MSH3: variants seen among roughly 807,000 people sequenced by gnomAD.
MSH3 encodes DNA mismatch repair protein Msh3.
MSH3 carries 106 observed loss-of-function variants against 123.3 expected under a neutral mutation model. That is an observed-to-expected ratio of 0.86 (90% confidence interval 0.73 to 1.01). The LOEUF is 1.01. MSH3 is among the 50% of genes least tolerant of loss of function. MSH3 has a pLI of 0.00. For synonymous variants in MSH3, 515 were observed against 481.4 expected (o/e 1.07, Z -0.91); for missense variants, 1,459 against 1,347.6 (o/e 1.08, Z -1.29).
chr5:80,755,182 A>C (rs1397940125), intron 12 of MSH3, among the ~76,000 whole-genome samples: 1 of 152,198 alleles, frequency 6.6e-6, no homozygotes, highest in Non-Finnish European at 1.5e-5. Flanking sequence ...AGTTTAAAGG[A>C]GGAACTGCTG....
At chr5:80,694,375 C>T (rs933646842) in intron 8 of MSH3, among the ~76,000 whole-genome samples, 1 of 152,108 alleles carries the variant, frequency 6.6e-6, no homozygotes, top group Non-Finnish European at 1.5e-5. Flanking sequence ...GTACTTGTGT[C>T]ATTGTTTTAC....
intron 8 of MSH3, among the ~76,000 whole-genome samples, chr5:80,690,575 C>T (rs1750207617): frequency 6.6e-6 from 1 of 152,140 alleles, no homozygotes; most frequent in South Asian, 2.1e-4. Context: ...GCCTTGGCCT[C>T]CAAATTGCTG....
intron 20 of MSH3, among the ~76,000 whole-genome samples, chr5:80,852,561 T>C (rs1211447864): frequency 3.3e-5 from 5 of 152,212 alleles, no homozygotes; most frequent in Admixed American, 6.5e-5. Context: ...TTCATCATCC[T>C]GTTTTGTGGT....
chr5:80,875,427 T>C (rs1249690163), intron 23 of MSH3, among the ~76,000 whole-genome samples: 2 of 152,226 alleles, frequency 1.3e-5, no homozygotes, highest in Non-Finnish European at 2.9e-5. Flanking sequence ...GAGTTTCTTT[T>C]CTCCAGGTAC....
rs894678592 is a variant in MSH3 at position 80,714,436 on chromosome 5, CA to C, written c.1341-11014del. On this transcript the variant is annotated intron_variant, in intron 8 of 23. Transcript: ENST00000265081. ...CAGGTATGAGCCACCACGTCTGGCC[CA>C]AATAGACTTTTGTTTCAGAGATACA... Among the ~76,000 whole-genome samples the C allele has an allele frequency of 1.4e-4, 22 of 151,984 alleles. No individual in the cohort carries two copies. The Middle Eastern group carries it at 0.014, about 95-fold the overall frequency.
intron 20 of MSH3, among the ~76,000 whole-genome samples, chr5:80,842,217 A>C (rs1055909686): frequency 2.0e-5 from 3 of 152,024 alleles, no homozygotes; most frequent in African/African-American, 7.2e-5. Flanking sequence ...ATGGTTGTAG[A>C]TGTGTGATGT....
At chr5:80,702,608 C>G (rs1407394968) in intron 8 of MSH3, among the ~76,000 whole-genome samples, 1 of 151,888 alleles carries the variant, frequency 6.6e-6, no homozygotes, top group Non-Finnish European at 1.5e-5. Context: ...CAGCTGTATG[C>G]AAGAGATGGG....
At chr5:80,789,418 T>C (rs1018601667) in intron 18 of MSH3, among the ~76,000 whole-genome samples, 1 of 151,578 alleles carries the variant, frequency 6.6e-6, no homozygotes, top group African/African-American at 2.4e-5. Flanking sequence ...TGGCCCAGGC[T>C]GGAGTGCAAT....
chr5:80,784,877 A>G (rs184065705), intron 17 of MSH3, among the ~76,000 whole-genome samples: 221 of 152,338 alleles, frequency 1.5e-3, no homozygotes, highest in South Asian at 0.014. Flanking sequence ...CTCAGTAAAT[A>G]AGTATACAGT....
intron 15 of MSH3, among the ~76,000 whole-genome samples, chr5:80,770,269 CAT>C (rs1491514196): frequency 3.8e-5 from 5 of 132,368 alleles, no homozygotes; most frequent in Admixed American, 8.1e-5. Flanking sequence ...TTTTCTACTA[CAT>C]TTTTTTTTTT....
intron 19 of MSH3, among the ~76,000 whole-genome samples, chr5:80,807,481 G>A (rs1424030628): frequency 2.0e-5 from 3 of 152,298 alleles, no homozygotes; most frequent in South Asian, 2.1e-4. Context: ...AGGTCATAGT[G>A]ATGGTGGGTT....
At chr5:80,724,156 T>C (rs926790380) in intron 8 of MSH3, among the ~76,000 whole-genome samples, 4 of 152,178 alleles carry the variant, frequency 2.6e-5, no homozygotes, top group Non-Finnish European at 1.5e-5. Flanking sequence ...AAAAATGTTT[T>C]AAAGCAACAT....
At chr5:80,868,133 A>G (rs997433258) in intron 22 of MSH3, among the ~76,000 whole-genome samples, 6 of 152,172 alleles carry the variant, frequency 3.9e-5, no homozygotes, top group African/African-American at 1.4e-4. Flanking sequence ...GGTGCTGGTG[A>G]GGTTGTGGAG....
chr5:80,873,291 A>C lies in MSH3; in HGVS notation c.3302+4A>C, dbSNP rs779568504. 2.5e-6 allele frequency: 4 copies of C among 1,613,684 alleles called. No individual in the cohort carries two copies. In the East Asian group the frequency reaches 6.7e-5, roughly 27 times the overall value. The stretch of plus-strand genomic sequence containing the variant: ...AAGGATTAATAAATACGAAAAGGTC[A>C]GAGTGATTATGCTGCATTTTTTCAT... On this transcript the variant is annotated splice_donor_region_variant and intron_variant, in intron 23 of 23. Transcript: ENST00000265081.
intron 20 of MSH3, among the ~76,000 whole-genome samples, chr5:80,834,356 A>G (rs572156631): frequency 1.3e-5 from 2 of 150,446 alleles, no homozygotes; most frequent in South Asian, 4.1e-4. Context: ...TTTATATTAA[A>G]ATATATTTTA....
At chr5:80,683,323 C>G (rs1750014631) in intron 8 of MSH3, among the ~76,000 whole-genome samples, 1 of 152,176 alleles carries the variant, frequency 6.6e-6, no homozygotes, top group East Asian at 1.9e-4. Flanking sequence ...TACATTCCCA[C>G]CAACAGTCTG....
chr5:80,804,877 A>G (rs1047735192), intron 19 of MSH3, among the ~76,000 whole-genome samples: 4 of 152,246 alleles, frequency 2.6e-5, no homozygotes, highest in Non-Finnish European at 5.9e-5. Flanking sequence ...ATGCCTGGCA[A>G]TAGTGAATGA....
rs1749756426 is a variant in MSH3 at position 80,672,961 on chromosome 5, T to C, written c.1027+103T>C. The C allele has an allele frequency of 1.6e-5, 14 of 892,642 alleles. No homozygotes were observed. The South Asian group carries it at 1.7e-4, about 11-fold the overall frequency. 55.3% of individuals were successfully genotyped at this position (892,642 alleles called of 1,614,324 possible). On this transcript the variant is annotated intron_variant, in intron 6 of 23. Transcript: ENST00000265081. ...GTTTTTTAGTTGCTCTTTGGGAACT[T>C]TTTAGATGAGCTGAGAGGCATTAAG...
intron 8 of MSH3, among the ~76,000 whole-genome samples, chr5:80,692,580 A>AT (rs1183340896): frequency 5.2e-3 from 514 of 99,550 alleles, no homozygotes; most frequent in Middle Eastern, 0.015. Context: ...GTTTATATAG[A>AT]GAGATAAACA....
Sources: gnomAD v4.1 joint callset for allele counts (sites outside exome capture counted in the v4.1 genomes callset) on GRCh38, gnomAD v4.1.1 for gene constraint, MANE v1.5 for transcripts, NCBI Gene and HGNC (gene_info 2026-07-23, HGNC 2026-07-21) for gene names.